The following DLG2 variants were observed in gnomAD, a reference collection of about 807,000 sequenced individuals.
DLG2 encodes the protein discs large MAGUK scaffold protein 2.
In DLG2, 45 loss-of-function variants were observed where a neutral mutation model predicts 132.5. That is an observed-to-expected ratio of 0.34 (90% CI 0.27 to 0.44). The LOEUF (loss-of-function observed/expected upper bound fraction) is 0.44, where lower values mean the gene tolerates loss of function less well. Ranked by LOEUF, DLG2 falls within the 20% of genes least tolerant of loss-of-function variation. DLG2 has a pLI of 1.00. For missense variants in DLG2, 1,045 were observed against 1,196.9 expected, an observed-to-expected ratio of 0.87 and a Z score of 1.87; for synonymous variants, 424 against 419.6, an observed-to-expected ratio of 1.01 and a Z score of -0.13.
intron 6 of DLG2, among the ~76,000 whole-genome samples, chr11:85,027,022 A>G (rs1161761828): frequency 6.6e-6 from 1 of 151,986 alleles, no homozygotes; most frequent in Non-Finnish European, 1.5e-5. Context: ...ACTTATTAAT[A>G]GATAAATGGT....
At chr11:84,373,269 AC>A (rs1567449423) in intron 7 of DLG2, among the ~76,000 whole-genome samples, 1,304 of 128,314 alleles carry the variant, frequency 0.01, 104 homozygotes, top group African/African-American at 0.043. Context: ...AAAAAACAAA[AC>A]AAAAAAAAAA....
At chr11:85,386,822 AAGAG>A (rs1565414083) in intron 3 of DLG2, among the ~76,000 whole-genome samples, 1 of 151,680 alleles carries the variant, frequency 6.6e-6, no homozygotes, top group Non-Finnish European at 1.5e-5. Flanking sequence ...ACAGGAAAGA[AAGAG>A]AGAAAGAGAG....
At chr11:84,488,934 G>T (rs748712304) in intron 7 of DLG2, among the ~76,000 whole-genome samples, 2 of 152,116 alleles carry the variant, frequency 1.3e-5, no homozygotes, top group Admixed American at 6.5e-5. Flanking sequence ...GAGTATTCAG[G>T]TAAGGTATAT....
intron 3 of DLG2, among the ~76,000 whole-genome samples, chr11:85,421,529 G>A (rs1024903296): frequency 2.0e-4 from 30 of 150,642 alleles, no homozygotes; most frequent in Middle Eastern, 3.4e-3. Context: ...TTTTTCACCC[G>A]TTTACCTTAG....
intron 3 of DLG2, among the ~76,000 whole-genome samples, chr11:85,556,868 A>G (rs2076966782): frequency 6.6e-6 from 1 of 151,858 alleles, no homozygotes; most frequent in African/African-American, 2.4e-5. Context: ...TATAGAGATG[A>G]AAAAAATATA....
chr11:84,662,637 A>T (rs1022053511), intron 6 of DLG2, among the ~76,000 whole-genome samples: 8 of 151,902 alleles, frequency 5.3e-5, no homozygotes, highest in Non-Finnish European at 8.8e-5. Flanking sequence ...AAATAGAAAA[A>T]TCAGTCAGGC....
At chr11:84,197,605 T>A (rs750069040) in intron 8 of DLG2, among the ~76,000 whole-genome samples, 18 of 152,174 alleles carry the variant, frequency 1.2e-4, no homozygotes, top group Non-Finnish European at 2.4e-4. Flanking sequence ...AAGCAGAAGG[T>A]ATTTGAATGC....
intron 4 of DLG2, among the ~76,000 whole-genome samples, chr11:85,188,917 G>A (rs531308716): frequency 1.3e-5 from 2 of 152,114 alleles, no homozygotes; most frequent in South Asian, 2.1e-4. Flanking sequence ...AAAACACTGG[G>A]AAACAGACAG....
At chr11:84,579,250 C>T (rs555417154) in intron 6 of DLG2, among the ~76,000 whole-genome samples, 27 of 150,800 alleles carry the variant, frequency 1.8e-4, no homozygotes, top group Non-Finnish European at 3.2e-4. Flanking sequence ...CTAATCCTAA[C>T]CTTTGGTAGT....
chr11:85,068,489 C>T (rs2154165528), intron 6 of DLG2, among the ~76,000 whole-genome samples: 1 of 152,224 alleles, frequency 6.6e-6, no homozygotes, highest in East Asian at 1.9e-4. Flanking sequence ...AAATCACAAG[C>T]ATTCTTATAC....
chr11:84,868,060 C>T (rs2084879547), intron 6 of DLG2, among the ~76,000 whole-genome samples: 2 of 149,862 alleles, frequency 1.3e-5, no homozygotes, highest in African/African-American at 4.9e-5. Flanking sequence ...GGCAACAAAG[C>T]GAGGTTCCGT....
At chr11:85,026,908 A>C (rs1209476739) in intron 6 of DLG2, among the ~76,000 whole-genome samples, 1 of 152,098 alleles carries the variant, frequency 6.6e-6, no homozygotes, top group Non-Finnish European at 1.5e-5. Context: ...CACTCTTACA[A>C]ATTTGTTTTA....
chr11:85,412,859 G>T (rs1313904259), intron 3 of DLG2, among the ~76,000 whole-genome samples: 2 of 151,192 alleles, frequency 1.3e-5, no homozygotes, highest in Admixed American at 6.6e-5. Flanking sequence ...TGTAAACTGT[G>T]CTGCTATAAA....
At chr11:85,087,844 CAAAAA>C (rs71465019) in intron 6 of DLG2, among the ~76,000 whole-genome samples, 21 of 22,054 alleles carry the variant, frequency 9.5e-4, no homozygotes, top group South Asian at 6.7e-3. Flanking sequence ...GACTCCGTCT[CAAAAA>C]AAAAAAAAAA....
intron 6 of DLG2, among the ~76,000 whole-genome samples, chr11:84,998,975 A>T (rs1380072788): frequency 1.3e-5 from 2 of 149,362 alleles, no homozygotes; most frequent in African/African-American, 4.9e-5. Context: ...TATTACAATT[A>T]TATATATATA....
intron 4 of DLG2, among the ~76,000 whole-genome samples, chr11:85,262,879 T>C (rs908198481): frequency 6.6e-6 from 1 of 152,152 alleles, no homozygotes; most frequent in African/African-American, 2.4e-5. Context: ...GGAACAGCCA[T>C]GCTATGTTAC....
intron 7 of DLG2, among the ~76,000 whole-genome samples, chr11:84,348,834 G>C (rs191275107): frequency 6.6e-6 from 1 of 152,278 alleles, no homozygotes; most frequent in African/African-American, 2.4e-5. Flanking sequence ...CAGAGATTAA[G>C]ATGATGTGTC....
At chr11:84,334,287 A>T (rs1388993143) in intron 7 of DLG2, among the ~76,000 whole-genome samples, 1 of 152,204 alleles carries the variant, frequency 6.6e-6, no homozygotes, top group East Asian at 1.9e-4. Context: ...CCAGAAATAC[A>T]TCCCAGAACT....
intron 6 of DLG2, among the ~76,000 whole-genome samples, chr11:85,100,275 A>G (rs2070665352): frequency 1.3e-5 from 2 of 152,156 alleles, no homozygotes; most frequent in Non-Finnish European, 2.9e-5. Flanking sequence ...GCTGATAATA[A>G]TAATATAATA....
Sources: gnomAD v4.1 joint callset for allele counts (sites outside exome capture counted in the v4.1 genomes callset) on GRCh38, gnomAD v4.1.1 for gene constraint, MANE v1.5 for transcripts, NCBI Gene and HGNC (gene_info 2026-07-23, HGNC 2026-07-21) for gene names.